The following MACROD2 variants were observed in gnomAD, a reference collection of about 807,000 sequenced individuals.
MACROD2 encodes ADP-ribose glycohydrolase MACROD2.
Under a neutral mutation model 70.4 loss-of-function variants are expected in MACROD2, and 36 were observed. The observed-to-expected ratio is 0.51, with a 90% CI of 0.39 to 0.68. The LOEUF (loss-of-function observed/expected upper bound fraction) is 0.68, where lower values mean the gene tolerates loss of function less well. Ranked by LOEUF, MACROD2 falls within the 30% of genes least tolerant of loss-of-function variation. The probability of loss-of-function intolerance (pLI) is 0.00; values close to 1 mark genes in which losing one functional copy is unlikely to be tolerated. For missense variants in MACROD2, 496 were observed against 538.4 expected (o/e 0.92, Z 0.78); for synonymous variants, 172 against 178.8 (o/e 0.96, Z 0.30).
rs747624211 is a variant in MACROD2 at position 14,593,250 on chromosome 20, T to C, written c.302-91593T>C. On this transcript the variant is annotated intron_variant, in intron 4 of 17. Coordinates refer to ENST00000684519, the MANE Select transcript of MACROD2 (RefSeq NM_001351661.2). ...TCGATTAGAGGAAATTTTTTTGGGCTAAGTTTCCTATAAAAGGCAGATGTT... is the reference window on the plus strand; with the variant it reads ...TCGATTAGAGGAAATTTTTTTGGGCCAAGTTTCCTATAAAAGGCAGATGTT... Among the ~76,000 whole-genome samples the C allele has an allele frequency of 8.5e-5, 13 of 152,346 alleles. 1 individual carries two copies. The highest frequency in any genetic ancestry group is 3.4e-3 in the Middle Eastern group (1 of 294).
chr20:14,834,534 G>A (rs144716794), intron 5 of MACROD2, among the ~76,000 whole-genome samples: 1 of 152,114 alleles, frequency 6.6e-6, no homozygotes, highest in East Asian at 1.9e-4. Context: ...GACCCATTAA[G>A]TGTATGATGG....
chr20:15,343,163 C>T (rs1265533880), intron 6 of MACROD2, among the ~76,000 whole-genome samples: 7 of 152,168 alleles, frequency 4.6e-5, no homozygotes, highest in African/African-American at 1.7e-4. Flanking sequence ...CCGCTCACAT[C>T]AGGGTGAATT....
chr20:15,524,447 T>A (rs1320819067), intron 8 of MACROD2, among the ~76,000 whole-genome samples: 7 of 152,130 alleles, frequency 4.6e-5, no homozygotes, highest in Non-Finnish European at 4.4e-5. Context: ...GATTAAAAAA[T>A]TTTTGTAACA....
rs751467091 is a variant in MACROD2 at position 15,563,868 on chromosome 20, GT to G, written c.645+64025del. Among the ~76,000 whole-genome samples, 54 of 152,182 alleles carry G rather than the reference GT, an allele frequency of 3.5e-4. 1 individual carries two copies. The highest frequency in any genetic ancestry group is 7.2e-4 in the Admixed American group (11 of 15,274). On this transcript the variant is annotated intron_variant, in intron 8 of 17. Coordinates refer to ENST00000684519, the MANE Select transcript of MACROD2 (RefSeq NM_001351661.2). ...GTAAGGATGAAGGAATCCTTAAACT[GT>G]TTTCCATGCATATGATTCCATTTAA...
intron 5 of MACROD2, among the ~76,000 whole-genome samples, chr20:14,864,816 A>C (rs1222703064): frequency 6.6e-6 from 1 of 152,100 alleles, no homozygotes; most frequent in African/African-American, 2.4e-5. Context: ...TATGTTAAGA[A>C]GGTTTCTAGA....
At chr20:14,684,277 G>A (rs73260893) in intron 4 of MACROD2, among the ~76,000 whole-genome samples, 1 of 152,176 alleles carries the variant, frequency 6.6e-6, no homozygotes, top group Non-Finnish European at 1.5e-5. Flanking sequence ...TCATTCTGTT[G>A]TGGGGAGAAG....
intron 5 of MACROD2, among the ~76,000 whole-genome samples, chr20:15,171,268 CTCTA>C (rs2076420221): frequency 6.6e-6 from 1 of 151,644 alleles, no homozygotes; most frequent in South Asian, 2.1e-4. Context: ...ATCACTTCCC[CTCTA>C]TCTCTCTCCC....
rs368103885 is a variant in MACROD2 at position 15,443,797 on chromosome 20, C to T, written c.571+12362C>T. On this transcript the variant is annotated intron_variant, in intron 7 of 17. Transcript: ENST00000684519. Reference sequence around the variant, plus strand: ...CTCTCCAATGTAAGGAGGCTACTGGCCTGTTCTGTCCACTCTAGAGATCAT... The same window carrying T: ...CTCTCCAATGTAAGGAGGCTACTGGTCTGTTCTGTCCACTCTAGAGATCAT... Among the ~76,000 whole-genome samples the T allele has an allele frequency of 2.6e-5, 4 of 152,212 alleles. No individual in the cohort carries two copies. The East Asian group carries it at 7.7e-4, about 29-fold the overall frequency.
At chr20:14,880,582 C>T (rs1600760911) in intron 5 of MACROD2, among the ~76,000 whole-genome samples, 1 of 152,050 alleles carries the variant, frequency 6.6e-6, no homozygotes, top group Admixed American at 6.5e-5. Flanking sequence ...GGGCAGGTCC[C>T]CAAATCCTCT....
intron 3 of MACROD2, among the ~76,000 whole-genome samples, chr20:14,162,966 T>C (rs1405621499): frequency 6.6e-6 from 1 of 152,150 alleles, no homozygotes; most frequent in Non-Finnish European, 1.5e-5. Context: ...TTCTCTCTTA[T>C]TGTTTATCTT....
chr20:15,761,037 G>GT (rs2051428304), intron 8 of MACROD2, among the ~76,000 whole-genome samples: 1 of 152,100 alleles, frequency 6.6e-6, no homozygotes, highest in African/African-American at 2.4e-5. Flanking sequence ...AGATAAAAGT[G>GT]TTTTTTGTTT....
At chr20:15,581,751 G>A (rs1168971849) in intron 8 of MACROD2, among the ~76,000 whole-genome samples, 1 of 152,216 alleles carries the variant, frequency 6.6e-6, no homozygotes, top group Non-Finnish European at 1.5e-5. Context: ...TTGAAGAAGG[G>A]TGTGCTGGCT....
At chr20:14,201,232 C>G (rs777707803) in intron 3 of MACROD2, among the ~76,000 whole-genome samples, 6 of 152,112 alleles carry the variant, frequency 3.9e-5, no homozygotes, top group Non-Finnish European at 5.9e-5. Context: ...AAGTTACATT[C>G]TTCTCTTTCA....
At chr20:14,538,547 C>G (rs2085394345) in intron 4 of MACROD2, among the ~76,000 whole-genome samples, 1 of 152,174 alleles carries the variant, frequency 6.6e-6, no homozygotes, top group African/African-American at 2.4e-5. Context: ...CTACTATGAG[C>G]CTGCTCTTGC....
At chr20:14,831,375 C>T (rs1388710575) in intron 5 of MACROD2, among the ~76,000 whole-genome samples, 2 of 151,994 alleles carry the variant, frequency 1.3e-5, no homozygotes, top group East Asian at 3.9e-4. Flanking sequence ...AGGAAAAAAA[C>T]GTTTAGGAAA....
At chr20:14,225,852 T>C (rs1253873014) in intron 3 of MACROD2, among the ~76,000 whole-genome samples, 1 of 152,210 alleles carries the variant, frequency 6.6e-6, no homozygotes, top group East Asian at 1.9e-4. Context: ...ACTAGTGTTA[T>C]ACATGACAGG....
chr20:14,087,735 G>A (rs997736847), intron 3 of MACROD2, among the ~76,000 whole-genome samples: 1 of 152,092 alleles, frequency 6.6e-6, no homozygotes, highest in Non-Finnish European at 1.5e-5. Context: ...CCCTTAGAAA[G>A]GGTCTCAGGA....
intron 5 of MACROD2, among the ~76,000 whole-genome samples, chr20:14,807,016 T>G (rs1374444019): frequency 6.6e-6 from 1 of 152,084 alleles, no homozygotes; most frequent in Non-Finnish European, 1.5e-5. Context: ...AGGCACAGCT[T>G]TAGCAGACTT....
intron 7 of MACROD2, among the ~76,000 whole-genome samples, chr20:15,461,352 C>T (rs80016152): frequency 0.016 from 2,448 of 152,184 alleles, 44 homozygotes; most frequent in Middle Eastern, 0.054. Flanking sequence ...ATTCTCCCTA[C>T]GGTATGTGTC....
Sources: gnomAD v4.1 joint callset for allele counts (sites outside exome capture counted in the v4.1 genomes callset) on GRCh38, gnomAD v4.1.1 for gene constraint, MANE v1.5 for transcripts, NCBI Gene and HGNC (gene_info 2026-07-23, HGNC 2026-07-21) for gene names.